The following EPS8 variants were observed in gnomAD, a reference collection of about 807,000 sequenced individuals.
EPS8 encodes epidermal growth factor receptor kinase substrate 8.
EPS8 carries 42 observed loss-of-function variants against 103.8 expected under a neutral mutation model. That is an observed-to-expected ratio of 0.40 (90% CI 0.32 to 0.52). EPS8 has a LOEUF of 0.52. Ranked by LOEUF, EPS8 falls within the 20% of genes least tolerant of loss-of-function variation. EPS8 has a pLI of 0.40. For synonymous variants in EPS8, 344 were observed against 344.6 expected, an observed-to-expected ratio of 1.00 and a Z score of 0.02; for missense variants, 969 against 1,005.1, an observed-to-expected ratio of 0.96 and a Z score of 0.49.
At chr12:15,679,824 T>C (rs1177798560) in intron 3 of EPS8, among the ~76,000 whole-genome samples, 1 of 152,224 alleles carries the variant, frequency 6.6e-6, no homozygotes, top group African/African-American at 2.4e-5. Flanking sequence ...ACTATGAAGA[T>C]CATGGCATAG....
At position 15,684,182 on chromosome 12, in the gene EPS8, G is replaced by C. The variant is rs1946056672; in HGVS notation, c.-21-1210C>G. On this transcript the variant is annotated intron_variant, in intron 1 of 20. Coordinates refer to ENST00000281172, the MANE Select transcript of EPS8 (RefSeq NM_004447.6). The surrounding 1 kb of genome is among the most constrained non-coding windows in gnomAD (Gnocchi z 4.9). The stretch of plus-strand genomic sequence containing the variant: ...ACAGAACTTAACTCTGATTGGAAGA[G>C]CACAGAAAGCCTACATAAAGAAATA... 6.6e-6 allele frequency: 1 copy of C among 152,158 alleles called. No homozygotes were observed. The highest frequency in any genetic ancestry group is 1.5e-5 in the Non-Finnish European group (1 of 68,026). 9.4% of individuals were successfully genotyped at this position (152,158 alleles called of 1,614,324 possible). A position where few individuals can be genotyped will look rare whatever the true frequency, so the allele number is the denominator to read the frequency against.
At chr12:15,743,573 A>G (rs909368559) in intron 1 of EPS8, among the ~76,000 whole-genome samples, 4 of 152,218 alleles carry the variant, frequency 2.6e-5, no homozygotes, top group Admixed American at 1.3e-4. Flanking sequence ...GATATAGACC[A>G]ACGGAACAGA....
At position 15,706,794 on chromosome 12, in the gene EPS8, A is replaced by G. The variant is rs1025662025; in HGVS notation, c.-21-23822T>C. ...CTTGGGCAAATTTTGTAATAAAATG[A>G]CACAATTCTCCAACCTACTCTATTG... On this transcript the variant is annotated intron_variant, in intron 1 of 20. Coordinates refer to ENST00000281172, the MANE Select transcript of EPS8 (RefSeq NM_004447.6). This position sits in a 1 kb window ranked among gnomAD's most constrained non-coding sequence, Gnocchi z 5.2. Among the ~76,000 whole-genome samples the G allele has an allele frequency of 6.6e-6, 1 of 152,156 alleles. No individual in the cohort carries two copies. The highest frequency in any genetic ancestry group is 2.4e-5 in the African/African-American group (1 of 41,438).
chr12:15,771,245 G>A lies in EPS8; in HGVS notation c.-22+17916C>T, dbSNP rs1947151035. 6.6e-6 allele frequency among the ~76,000 whole-genome samples: 1 copy of A among 152,186 alleles called. No homozygotes were observed. The highest frequency in any genetic ancestry group is 2.4e-5 in the African/African-American group (1 of 41,434). ...TGAAGCACAGACTGGGAAAACTGAAGTATACAGATGAAAGTGTATAGTACC... is the reference window on the plus strand; with the variant it reads ...TGAAGCACAGACTGGGAAAACTGAAATATACAGATGAAAGTGTATAGTACC... On this transcript the variant is annotated intron_variant, in intron 1 of 20. Transcript: ENST00000281172. The surrounding 1 kb of genome is among the most constrained non-coding windows in gnomAD (Gnocchi z 4.6).
intron 9 of EPS8, 110 bp from the exon 10 acceptor site, chr12:15,660,850 T>C: frequency 4.9e-6 from 3 of 613,598 alleles, no homozygotes; most frequent in Non-Finnish European, 8.4e-6. Context: ...GCAGCCCACA[T>C]GCCAATTTCA....
chr12:15,760,395 A>C lies in EPS8; in HGVS notation c.-22+28766T>G, dbSNP rs745476820. 1.3e-5 allele frequency among the ~76,000 whole-genome samples: 2 copies of C among 152,098 alleles called. No individual in the cohort carries two copies. Among genetic ancestry groups the C allele is most frequent in the Non-Finnish European group, 2.9e-5 (2 of 67,960 alleles). Reference sequence around the variant, plus strand: ...AACATTTAAAGAAGAATTAATACGAATCCTACTCAAACTATTCTGAAAACA... The same window carrying C: ...AACATTTAAAGAAGAATTAATACGACTCCTACTCAAACTATTCTGAAAACA... On this transcript the variant is annotated intron_variant, in intron 1 of 20. Transcript: ENST00000281172. The surrounding 1 kb of genome is among the most constrained non-coding windows in gnomAD (Gnocchi z 4.5).
At chr12:15,634,955 G>A (rs1432151970) in intron 17 of EPS8, among the ~76,000 whole-genome samples, 1 of 151,988 alleles carries the variant, frequency 6.6e-6, no homozygotes, top group African/African-American at 2.4e-5. Flanking sequence ...ATCTAGCCAT[G>A]GAAAACTAAT....
chr12:15,651,848 T>C (rs1185442069), intron 13 of EPS8, among the ~76,000 whole-genome samples: 3 of 152,200 alleles, frequency 2.0e-5, no homozygotes, highest in Non-Finnish European at 4.4e-5. Context: ...GTACATTCAT[T>C]TCCTAATACT....
chr12:15,673,805 A>G (rs552786704), intron 3 of EPS8, among the ~76,000 whole-genome samples: 2 of 151,922 alleles, frequency 1.3e-5, no homozygotes, highest in Non-Finnish European at 2.9e-5. Flanking sequence ...AACTCCTAAC[A>G]TAAGACTAAG....
rs1229881621 is a variant in EPS8 at position 15,714,547 on chromosome 12, CAGG to C, written c.-21-31578_-21-31576del. Among the ~76,000 whole-genome samples, 2 of 152,114 alleles carry C rather than the reference CAGG, an allele frequency of 1.3e-5. No individual in the cohort carries two copies. Among genetic ancestry groups the C allele is most frequent in the African/African-American group, 4.8e-5 (2 of 41,426 alleles). On this transcript the variant is annotated intron_variant, in intron 1 of 20. Transcript: ENST00000281172. This position sits in a 1 kb window ranked among gnomAD's most constrained non-coding sequence, Gnocchi z 4.1. ...GTCCTAGATGCTCATGAGGCTGAGA[CAGG>C]AGAACTGCTTGAGCCCAGGAGTTTG...
chr12:15,662,444 T>C, intron 8 of EPS8: 2 of 1,013,786 alleles, frequency 2.0e-6, no homozygotes, highest in Non-Finnish European at 2.4e-6. Flanking sequence ...AAACCAGCAG[T>C]CAAGCTTTTA....
intron 6 of EPS8, among the ~76,000 whole-genome samples, chr12:15,667,864 T>C (rs562731013): frequency 6.6e-6 from 1 of 152,256 alleles, no homozygotes; most frequent in African/African-American, 2.4e-5. Context: ...CTATATTCAG[T>C]AAATACATTT....
At position 15,787,284 on chromosome 12, in the gene EPS8, A is replaced by C. The variant is rs1409750473; in HGVS notation, c.-22+1877T>G. 3.3e-5 allele frequency among the ~76,000 whole-genome samples: 5 copies of C among 152,190 alleles called. No homozygotes were observed. The highest frequency in any genetic ancestry group is 7.4e-5 in the Non-Finnish European group (5 of 68,004). On this transcript the variant is annotated intron_variant, in intron 1 of 20. Coordinates refer to ENST00000281172, the MANE Select transcript of EPS8 (RefSeq NM_004447.6). This position sits in a 1 kb window ranked among gnomAD's most constrained non-coding sequence, Gnocchi z 4.9. ...AATAACTAGGATTTGGAATGTAATA[A>C]ACACAAAGTAGAGAGTAGCAAGCCT...
chr12:15,666,635 T>C (rs560841413), intron 6 of EPS8, 113 bp from the exon 7 acceptor site: 3 of 690,764 alleles, frequency 4.3e-6, no homozygotes, highest in East Asian at 2.7e-5. Flanking sequence ...TATCTTGATG[T>C]AAAAAGTCTT....
chr12:15,726,256 A>G (rs1946651719), intron 1 of EPS8, among the ~76,000 whole-genome samples: 1 of 152,174 alleles, frequency 6.6e-6, no homozygotes, highest in South Asian at 2.1e-4. Flanking sequence ...GCAGGAAAGC[A>G]GCAAGAAACA....
chr12:15,719,798 A>T lies in EPS8; in HGVS notation c.-21-36826T>A, dbSNP rs1004741649. Among the ~76,000 whole-genome samples, 9 of 152,316 alleles carry T rather than the reference A, an allele frequency of 5.9e-5. No homozygotes were observed. In the East Asian group the frequency reaches 1.7e-3, roughly 29 times the overall value. Reference sequence around the variant, plus strand: ...TTCTCCTAACCAAGTCTTAATCTTTATTTAGATTATAGTTTAAGACCTCTT... The same window carrying T: ...TTCTCCTAACCAAGTCTTAATCTTTTTTTAGATTATAGTTTAAGACCTCTT... On this transcript the variant is annotated intron_variant, in intron 1 of 20. Transcript: ENST00000281172.
At chr12:15,634,127 C>T (rs1945096239) in intron 17 of EPS8, among the ~76,000 whole-genome samples, 2 of 152,178 alleles carry the variant, frequency 1.3e-5, no homozygotes, top group African/African-American at 4.8e-5. Flanking sequence ...GAAATTCTGA[C>T]TAACTGTTCT....
rs1044593517 is a variant in EPS8 at position 15,716,961 on chromosome 12, T to G, written c.-21-33989A>C. 1.3e-5 allele frequency among the ~76,000 whole-genome samples: 2 copies of G among 152,206 alleles called. No individual in the cohort carries two copies. The highest frequency in any genetic ancestry group is 3.8e-4 in the East Asian group (2 of 5,202). ...AAACCAATCCTTCTCCTAACTTTAA[T>G]ACCTTTTTCAGTGAGAGTAAGAAAC... On this transcript the variant is annotated intron_variant, in intron 1 of 20. Coordinates refer to ENST00000281172, the MANE Select transcript of EPS8 (RefSeq NM_004447.6). This position sits in a 1 kb window ranked among gnomAD's most constrained non-coding sequence, Gnocchi z 5.0.
intron 1 of EPS8, among the ~76,000 whole-genome samples, chr12:15,692,332 T>G (rs1209132142): frequency 1.1e-4 from 17 of 150,716 alleles, no homozygotes; most frequent in East Asian, 1.9e-4. Context: ...TTTTTTTTTT[T>G]TTTTTTTTTT....
Sources: allele counts gnomAD v4.1 joint callset (sites outside exome capture counted in the v4.1 genomes callset), GRCh38; gene constraint gnomAD v4.1.1; non-coding constraint Gnocchi (gnomAD v3.1); transcripts MANE v1.5; gene names NCBI Gene and HGNC (gene_info 2026-07-23, HGNC 2026-07-21).